DTNB: variants seen among roughly 807,000 people sequenced by gnomAD.
The protein encoded by DTNB is dystrobrevin beta.
A neutral mutation model predicts 90.7 loss-of-function variants in DTNB; 63 were observed. The observed-to-expected ratio is 0.69, with a 90% CI of 0.57 to 0.86. The LOEUF (loss-of-function observed/expected upper bound fraction) is 0.86, where lower values mean the gene tolerates loss of function less well. DTNB is among the 40% of genes least tolerant of loss of function. The pLI is 0.00. For missense variants in DTNB, 744 were observed against 807.1 expected, an observed-to-expected ratio of 0.92 and a Z score of 0.95; for synonymous variants, 277 against 286.7, an observed-to-expected ratio of 0.97 and a Z score of 0.34.
At chr2:25,510,869 C>T (rs927859474) in intron 9 of DTNB, among the ~76,000 whole-genome samples, 12 of 152,162 alleles carry the variant, frequency 7.9e-5, no homozygotes, top group Non-Finnish European at 1.8e-4. Flanking sequence ...GAGCACCACC[C>T]AAATAGAGAA....
intron 6 of DTNB, among the ~76,000 whole-genome samples, chr2:25,582,626 G>T (rs1193678220): frequency 1.3e-5 from 2 of 152,128 alleles, no homozygotes; most frequent in Non-Finnish European, 2.9e-5. Flanking sequence ...TGGAACTACT[G>T]GGGGGCGGGA....
intron 9 of DTNB, among the ~76,000 whole-genome samples, chr2:25,522,970 G>A (rs951210359): frequency 1.3e-5 from 2 of 152,002 alleles, no homozygotes; most frequent in African/African-American, 2.4e-5. Context: ...CAAAGTGCTG[G>A]GATTACAGAC....
At chr2:25,423,408 C>T (rs2050446362) in intron 15 of DTNB, among the ~76,000 whole-genome samples, 1 of 152,178 alleles carries the variant, frequency 6.6e-6, no homozygotes, top group African/African-American at 2.4e-5. Context: ...AGTGATGTCA[C>T]TTCTTATGTA....
At chr2:25,454,238 T>C (rs748219774) in intron 11 of DTNB, among the ~76,000 whole-genome samples, 1 of 152,054 alleles carries the variant, frequency 6.6e-6, no homozygotes, top group Non-Finnish European at 1.5e-5. Flanking sequence ...TTTAGTCATA[T>C]CAGGAAAACT....
At chr2:25,585,374 T>C (rs1208247792) in intron 6 of DTNB, among the ~76,000 whole-genome samples, 1 of 152,228 alleles carries the variant, frequency 6.6e-6, no homozygotes, top group Non-Finnish European at 1.5e-5. Flanking sequence ...CCTCCCTCTA[T>C]AAAACACTGA....
chr2:25,513,526 A>C (rs1370159651), intron 9 of DTNB, among the ~76,000 whole-genome samples: 1 of 152,020 alleles, frequency 6.6e-6, no homozygotes, highest in Non-Finnish European at 1.5e-5. Context: ...GTTTGAAACT[A>C]GCCGGCCAAC....
intron 9 of DTNB, among the ~76,000 whole-genome samples, chr2:25,489,238 T>C (rs1387823916): frequency 1.3e-5 from 2 of 152,232 alleles, no homozygotes; most frequent in African/African-American, 2.4e-5. Context: ...TCTGTAGGAA[T>C]AGATAAATAA....
chr2:25,671,174 ATACT>A (rs1186052155), intron 1 of DTNB, among the ~76,000 whole-genome samples: 3 of 152,134 alleles, frequency 2.0e-5, no homozygotes, highest in Non-Finnish European at 4.4e-5. Flanking sequence ...TTTATCATAG[ATACT>A]TAAGTATAGG....
intron 9 of DTNB, among the ~76,000 whole-genome samples, chr2:25,526,390 TA>T (rs1314348836): frequency 0.051 from 3,364 of 66,032 alleles, 89 homozygotes; most frequent in Admixed American, 0.14. Flanking sequence ...TATATATATA[TA>T]TATATTTTTT....
intron 12 of DTNB, among the ~76,000 whole-genome samples, chr2:25,443,080 A>T (rs1189776821): frequency 2.0e-5 from 3 of 152,242 alleles, no homozygotes; most frequent in Non-Finnish European, 4.4e-5. Flanking sequence ...ATCATCTAAA[A>T]ATTAAACAAT....
chr2:25,650,377 A>G (rs1452120827), intron 2 of DTNB, among the ~76,000 whole-genome samples: 4 of 152,206 alleles, frequency 2.6e-5, no homozygotes, highest in Admixed American at 2.6e-4. Flanking sequence ...CTAAAAGTTG[A>G]AAGGAAAAGA....
chr2:25,442,093 T>C (rs1286376837), intron 12 of DTNB, among the ~76,000 whole-genome samples: 1 of 152,336 alleles, frequency 6.6e-6, no homozygotes, highest in African/African-American at 2.4e-5. Context: ...TCGCCTAAAG[T>C]GTCAACAACA....
intron 10 of DTNB, among the ~76,000 whole-genome samples, chr2:25,457,508 A>G (rs1370262397): frequency 6.6e-6 from 1 of 152,186 alleles, no homozygotes; most frequent in Non-Finnish European, 1.5e-5. Context: ...AATGAAGAAA[A>G]ATAAGTCCTC....
chr2:25,593,939 C>T (rs2064059306), intron 6 of DTNB, among the ~76,000 whole-genome samples: 1 of 152,106 alleles, frequency 6.6e-6, no homozygotes, highest in African/African-American at 2.4e-5. Flanking sequence ...CCATTTTTAG[C>T]CTGACCTCCA....
At chr2:25,595,450 C>T (rs2064385462) in intron 6 of DTNB, among the ~76,000 whole-genome samples, 1 of 152,078 alleles carries the variant, frequency 6.6e-6, no homozygotes, top group African/African-American at 2.4e-5. Context: ...CTTCTTTTAT[C>T]TAATCTCTAC....
intron 1 of DTNB, among the ~76,000 whole-genome samples, chr2:25,666,935 A>G (rs1258693132): frequency 2.0e-5 from 3 of 152,168 alleles, no homozygotes; most frequent in Non-Finnish European, 4.4e-5. Context: ...AGTTTATCTA[A>G]TACTCTAGGC....
chr2:25,566,988 T>C (rs577589514), intron 8 of DTNB, among the ~76,000 whole-genome samples: 2 of 152,276 alleles, frequency 1.3e-5, no homozygotes, highest in East Asian at 3.9e-4. Context: ...ACAAGGACAC[T>C]GACTGATAGA....
At chr2:25,396,573 G>T (rs1283882087) in intron 16 of DTNB, among the ~76,000 whole-genome samples, 2 of 151,528 alleles carry the variant, frequency 1.3e-5, no homozygotes, top group East Asian at 3.9e-4. Context: ...GGGTGGGAGG[G>T]GGGTGAGGGA....
intron 16 of DTNB, among the ~76,000 whole-genome samples, chr2:25,409,244 TTCATTCATTCAC>T (rs1558395540): frequency 6.6e-6 from 1 of 152,022 alleles, no homozygotes; most frequent in Non-Finnish European, 1.5e-5. Context: ...CATTCATTCA[TTCATTCATTCAC>T]TCATTCATTC....
Sources: allele counts gnomAD v4.1 joint callset (sites outside exome capture counted in the v4.1 genomes callset), GRCh38; gene constraint gnomAD v4.1.1; transcripts MANE v1.5; gene names NCBI Gene and HGNC (gene_info 2026-07-23, HGNC 2026-07-21).